Variants in CBL observed in about 807,000 individuals in gnomAD.
CBL encodes the protein E3 ubiquitin-protein ligase CBL.
In CBL, 45 loss-of-function variants were observed where a neutral mutation model predicts 96.9. That is an observed-to-expected ratio of 0.46 (90% confidence interval 0.37 to 0.60). The LOEUF is 0.60. Ranked by LOEUF, CBL falls within the 20% of genes least tolerant of loss-of-function variation. The probability of loss-of-function intolerance (pLI) is 0.00; values close to 1 mark genes in which losing one functional copy is unlikely to be tolerated. For missense variants in CBL, 1,024 were observed against 1,143.5 expected (o/e 0.90, Z 1.51); for synonymous variants, 420 against 426.8 (o/e 0.98, Z 0.20).
chr11:119,238,727 A>G (rs1294292922), intron 2 of CBL, among the ~76,000 whole-genome samples: 3 of 152,000 alleles, frequency 2.0e-5, no homozygotes, highest in Admixed American at 2.0e-4. Flanking sequence ...GCTACTCTGG[A>G]GGCTGAGGCA....
chr11:119,238,746 T>C (rs1429093816), intron 2 of CBL, among the ~76,000 whole-genome samples: 4 of 151,870 alleles, frequency 2.6e-5, no homozygotes, highest in African/African-American at 7.3e-5. Flanking sequence ...CAGGAGAATC[T>C]CTTGAACCCA....
chr11:119,277,300 T>C (rs1949897605), intron 6 of CBL, among the ~76,000 whole-genome samples: 1 of 149,388 alleles, frequency 6.7e-6, no homozygotes, highest in African/African-American at 2.5e-5. Flanking sequence ...TGGCCATCCA[T>C]TGATTAAAAA....
In CBL at chr11:119,241,244, G is replaced by A. The variant is rs1055309443; in HGVS notation, c.443+8549G>A. Among the ~76,000 whole-genome samples the A allele has an allele frequency of 1.4e-4, 21 of 152,180 alleles. No individual in the cohort carries two copies. In the South Asian group the frequency reaches 3.9e-3, roughly 29 times the overall value. ...AAAAATGAATTAAGTAAAACCATAA[G>A]CCTCTGTTTTGCCTTTGATCTTTCT... On this transcript the variant is annotated intron_variant, in intron 2 of 15. Transcript: ENST00000264033.
At chr11:119,251,203 C>A (rs1045470139) in intron 2 of CBL, among the ~76,000 whole-genome samples, 1 of 152,190 alleles carries the variant, frequency 6.6e-6, no homozygotes, top group Non-Finnish European at 1.5e-5. Context: ...TGAGCACTTT[C>A]TCTGTGTCAG....
chr11:119,235,682 G>A (rs1224063139), intron 2 of CBL, among the ~76,000 whole-genome samples: 1 of 152,162 alleles, frequency 6.6e-6, no homozygotes, highest in African/African-American at 2.4e-5. Context: ...AAAAGTCTGT[G>A]TATAAGTGAA....
At position 119,302,362 on chromosome 11, in the gene CBL, AT is replaced by A; in HGVS notation, c.*2585del. ...TATTCTCAAAACCTTAATTTCTTAT[AT>A]TTTCTGTTGACTAAGGCACCAGTAA... On this transcript the variant is annotated 3_prime_UTR_variant, in exon 16 of 16. Coordinates refer to ENST00000264033, the MANE Select transcript of CBL (RefSeq NM_005188.4). 4.3e-6 allele frequency: 1 copy of A among 232,572 alleles called. No homozygotes were observed. The highest frequency in any genetic ancestry group is 8.5e-6 in the Non-Finnish European group (1 of 117,678). The allele number at this position is 232,572 out of a possible 1,614,324, so 14.4% of individuals were successfully genotyped here. A position where few individuals can be genotyped will look rare whatever the true frequency, so the allele number is the denominator to read the frequency against.
In CBL at chr11:119,256,999, T is replaced by C. The variant is rs189939444; in HGVS notation, c.444-14736T>C. 5.3e-3 allele frequency among the ~76,000 whole-genome samples: 810 copies of C among 152,384 alleles called. 2 individuals carry two copies. Among genetic ancestry groups the C allele is most frequent in the Non-Finnish European group, 9.0e-3 (609 of 68,042 alleles). The stretch of plus-strand genomic sequence containing the variant: ...TTGGCAGGCACTTAGGTTGGTTCCA[T>C]ATCTTACAGTTGTGCATTGTGCTGT... On this transcript the variant is annotated intron_variant, in intron 2 of 15. Coordinates refer to ENST00000264033, the MANE Select transcript of CBL (RefSeq NM_005188.4).
chr11:119,267,317 C>T (rs1027299070), intron 2 of CBL, among the ~76,000 whole-genome samples: 2 of 152,180 alleles, frequency 1.3e-5, no homozygotes, highest in Non-Finnish European at 2.9e-5. Flanking sequence ...GGTGCCATTA[C>T]ATCTTTGTGG....
rs1364024558 is a variant in CBL at position 119,288,035 on chromosome 11, T to TA, written c.2036+95dup. The TA allele has an allele frequency of 1.9e-5, 16 of 841,070 alleles. 1 individual carries two copies. The highest frequency in any genetic ancestry group is 2.2e-4 in the Middle Eastern group (1 of 4,552). The allele number at this position is 841,070 out of a possible 1,614,324, so 52.1% of individuals were successfully genotyped here. Reference sequence around the variant, plus strand: ...AAAATTGAGAAAACCCAGAAAAGTGTAAAAAAGAAAATAAAAATCTCTGCA... The same window carrying TA: ...AAAATTGAGAAAACCCAGAAAAGTGTAAAAAAAGAAAATAAAAATCTCTGCA... On this transcript the variant is annotated intron_variant, in intron 12 of 15. Coordinates refer to ENST00000264033, the MANE Select transcript of CBL (RefSeq NM_005188.4).
chr11:119,263,122 A>G (rs1047071345), intron 2 of CBL, among the ~76,000 whole-genome samples: 3 of 152,236 alleles, frequency 2.0e-5, no homozygotes, highest in South Asian at 2.1e-4. Context: ...GTTAACTGCT[A>G]GAGATGGAGA....
chr11:119,267,356 T>C (rs1949810785), intron 2 of CBL, among the ~76,000 whole-genome samples: 1 of 152,240 alleles, frequency 6.6e-6, no homozygotes, highest in Non-Finnish European at 1.5e-5. Flanking sequence ...TGTGGCTTAC[T>C]TCACAAAATA....
At chr11:119,259,211 G>C (rs1592390703) in intron 2 of CBL, among the ~76,000 whole-genome samples, 1 of 152,024 alleles carries the variant, frequency 6.6e-6, no homozygotes, top group African/African-American at 2.4e-5. Flanking sequence ...TTTTAGGTAT[G>C]TGATGATATT....
chr11:119,244,049 G>GA (rs954427663), intron 2 of CBL, among the ~76,000 whole-genome samples: 2 of 151,668 alleles, frequency 1.3e-5, no homozygotes, highest in African/African-American at 2.4e-5. Context: ...TTTAAAAGAA[G>GA]AAAAAAAATG....
At chr11:119,223,192 T>C (rs1006545626) in intron 1 of CBL, among the ~76,000 whole-genome samples, 1 of 139,444 alleles carries the variant, frequency 7.2e-6, no homozygotes, top group Non-Finnish European at 1.6e-5. Flanking sequence ...TCCTTTTTTT[T>C]TTTTTTTTTT....
chr11:119,302,992 G>A lies in CBL; in HGVS notation c.*3211G>A, dbSNP rs1198143556. On this transcript the variant is annotated 3_prime_UTR_variant, in exon 16 of 16. Coordinates refer to ENST00000264033, the MANE Select transcript of CBL (RefSeq NM_005188.4). Reference sequence around the variant, plus strand: ...ACTGTTAGTATTATTTAACTATTTTGTAGATTTAAAAGATTTCTGGTTAAG... The same window carrying A: ...ACTGTTAGTATTATTTAACTATTTTATAGATTTAAAAGATTTCTGGTTAAG... 2 of 227,906 alleles carry A rather than the reference G, an allele frequency of 8.8e-6. No individual in the cohort carries two copies. Among genetic ancestry groups the A allele is most frequent in the Non-Finnish European group, 1.7e-5 (2 of 114,710 alleles). 14.1% of individuals were successfully genotyped at this position (227,906 alleles called of 1,614,324 possible).
At position 119,287,884 on chromosome 11, in the gene CBL, G is replaced by C; in HGVS notation, c.1974G>C (p.Glu658Asp). ...SMNSSPLVGP[E>D]CDHPKIKPSS... ...ATAGCAGCCCATTAGTAGGTCCAGA[G>C]TGTGACCACCCCAAAATCAAACCTT... The change falls in exon 12 of 16, where the codon GAG becomes GAC. Residue 658 changes from glutamate (E) to aspartate (D), a missense_variant. Physicochemically the swap from Glu to Asp is conservative, Grantham distance 45. Coordinates refer to ENST00000264033, the MANE Select transcript of CBL (RefSeq NM_005188.4). 6.2e-7 allele frequency: 1 copy of C among 1,613,742 alleles called. No homozygotes were observed.
intron 5 of CBL, 81 bp downstream of exon 5, chr11:119,275,034 CTTAA>C: frequency 6.6e-7 from 1 of 1,504,390 alleles, no homozygotes; most frequent in South Asian, 1.1e-5. Context: ...GAAACATGAC[CTTAA>C]TTAGTTTCGC....
At chr11:119,292,880 G>C (rs1298514838) in intron 12 of CBL, among the ~76,000 whole-genome samples, 1 of 152,086 alleles carries the variant, frequency 6.6e-6, no homozygotes, top group African/African-American at 2.4e-5. Context: ...CTTAAGATGG[G>C]GTTATGTCCC....
chr11:119,224,324 A>C (rs112813535), intron 1 of CBL, among the ~76,000 whole-genome samples: 203 of 152,170 alleles, frequency 1.3e-3, no homozygotes, highest in Middle Eastern at 6.8e-3. Context: ...TTGACCCTAG[A>C]ACAGCTAGGA....
Sources: gnomAD v4.1 joint callset for allele counts (sites outside exome capture counted in the v4.1 genomes callset) on GRCh38, gnomAD v4.1.1 for gene constraint, MANE v1.5 for transcripts, NCBI Gene and HGNC (gene_info 2026-07-23, HGNC 2026-07-21) for gene names.